CELF4: variants seen among roughly 807,000 people sequenced by gnomAD.
CELF4 encodes CUG-BP- and ETR-3-like factor 4.
A neutral mutation model predicts 59.9 loss-of-function variants in CELF4; 18 were observed. The ratio of observed to expected loss-of-function variants is 0.30; its 90% CI spans 0.21 to 0.45. CELF4 has a LOEUF of 0.45. CELF4 is among the 20% of genes least tolerant of loss of function. The probability of loss-of-function intolerance (pLI) is 1.00; values close to 1 mark genes in which losing one functional copy is unlikely to be tolerated. For missense variants in CELF4, 456 were observed against 689.0 expected (o/e 0.66, Z 3.79); for synonymous variants, 261 against 267.1 (o/e 0.98, Z 0.22).
chr18:37,364,064 G>C (rs181395286), intron 2 of CELF4, among the ~76,000 whole-genome samples: 2 of 152,326 alleles, frequency 1.3e-5, no homozygotes, highest in East Asian at 3.9e-4. Context: ...CCTGGTGGAG[G>C]TCTTTGTTCT....
chr18:37,316,374 A>C (rs1603451618), intron 3 of CELF4, among the ~76,000 whole-genome samples: 1 of 152,208 alleles, frequency 6.6e-6, no homozygotes, highest in South Asian at 2.1e-4. Context: ...GGATAACTGG[A>C]TCCCCCATGC....
At chr18:37,492,471 T>C (rs1291425326) in intron 1 of CELF4, among the ~76,000 whole-genome samples, 1 of 152,002 alleles carries the variant, frequency 6.6e-6, no homozygotes, top group African/African-American at 2.4e-5. Flanking sequence ...TCCACCAGCT[T>C]CCCTGGGAAG....
intron 1 of CELF4, among the ~76,000 whole-genome samples, chr18:37,533,219 G>T (rs2099970914): frequency 6.6e-6 from 1 of 152,242 alleles, no homozygotes; most frequent in Non-Finnish European, 1.5e-5. Flanking sequence ...TCCTGTCTTG[G>T]TTCACAGACA....
chr18:37,345,447 C>T (rs933326912), intron 2 of CELF4, among the ~76,000 whole-genome samples: 6 of 146,730 alleles, frequency 4.1e-5, no homozygotes, highest in Non-Finnish European at 7.5e-5. Context: ...CTTTGGGTGT[C>T]GGGGGTGGGG....
chr18:37,475,388 C>T (rs192280767), intron 2 of CELF4, among the ~76,000 whole-genome samples: 25 of 152,344 alleles, frequency 1.6e-4, no homozygotes, highest in Admixed American at 1.1e-3. Flanking sequence ...AAGCTCAAGA[C>T]TCTGCATTTC....
chr18:37,272,983 G>C, intron 7 of CELF4, 33 bp downstream of exon 7: 10 of 1,588,288 alleles, frequency 6.3e-6, no homozygotes, highest in Non-Finnish European at 8.6e-6. Context: ...TCTCCCACCG[G>C]GCCAGACCGC....
At chr18:37,535,922 C>T (rs1274530556) in intron 1 of CELF4, among the ~76,000 whole-genome samples, 1 of 152,182 alleles carries the variant, frequency 6.6e-6, no homozygotes, top group East Asian at 1.9e-4. Flanking sequence ...GGCTGAACAA[C>T]AAATGTTATT....
chr18:37,300,224 A>G (rs1276653741), intron 3 of CELF4, among the ~76,000 whole-genome samples: 1 of 147,458 alleles, frequency 6.8e-6, no homozygotes, highest in East Asian at 2.0e-4. Flanking sequence ...CCCATGCTCC[A>G]GCACTTTTTT....
chr18:37,287,496 C>T (rs9953908), intron 3 of CELF4, among the ~76,000 whole-genome samples: 55 of 152,336 alleles, frequency 3.6e-4, no homozygotes, highest in African/African-American at 1.2e-3. Context: ...TAGGTCAGCA[C>T]GCGGCTTAGC....
chr18:37,547,422 CT>C (rs2099981803), intron 1 of CELF4, among the ~76,000 whole-genome samples: 1 of 152,204 alleles, frequency 6.6e-6, no homozygotes. Flanking sequence ...TTGCCACCCC[CT>C]GGAGGCTGCC....
chr18:37,280,665 A>G (rs1318465838), intron 3 of CELF4, among the ~76,000 whole-genome samples: 1 of 152,168 alleles, frequency 6.6e-6, no homozygotes, highest in African/African-American at 2.4e-5. Context: ...CCCACACCAG[A>G]ATTTGAGCAA....
intron 2 of CELF4, among the ~76,000 whole-genome samples, chr18:37,334,641 C>A (rs938871653): frequency 2.0e-5 from 3 of 152,064 alleles, no homozygotes; most frequent in Non-Finnish European, 4.4e-5. Flanking sequence ...CTCCACTCCC[C>A]CCGGACTGTG....
chr18:37,527,585 G>T (rs1474299773), intron 1 of CELF4, among the ~76,000 whole-genome samples: 4 of 152,118 alleles, frequency 2.6e-5, no homozygotes, highest in Admixed American at 6.5e-5. Context: ...ATCAAACCAT[G>T]CTCTGAGACA....
intron 1 of CELF4, among the ~76,000 whole-genome samples, chr18:37,500,280 C>T (rs1424542927): frequency 6.6e-6 from 1 of 152,212 alleles, no homozygotes; most frequent in Non-Finnish European, 1.5e-5. Flanking sequence ...CTCACAAGTT[C>T]GACAGCTGCA....
intron 2 of CELF4, among the ~76,000 whole-genome samples, chr18:37,413,937 C>T (rs559446058): frequency 1.2e-4 from 19 of 152,268 alleles, no homozygotes; most frequent in Middle Eastern, 3.4e-3. Flanking sequence ...TGAGGGGCCA[C>T]ATTAAGGCCT....
At position 37,466,694 on chromosome 18, in the gene CELF4, AAG is replaced by A. The variant is rs2099809971; in HGVS notation, c.369+18829_369+18830del. Among the ~76,000 whole-genome samples, 3 of 152,132 alleles carry A rather than the reference AAG, an allele frequency of 2.0e-5. No individual in the cohort carries two copies. In the South Asian group the frequency reaches 6.2e-4, roughly 32 times the overall value. On this transcript the variant is annotated intron_variant, in intron 2 of 12. Coordinates refer to ENST00000420428, the MANE Select transcript of CELF4 (RefSeq NM_020180.4). ...AAGTAGGACCCAGTCCCTGCCCTCA[AAG>A]AGAGCACAGTCTAGGGTGGAGCAGT... is the stretch of plus-strand genomic sequence containing the variant.
At chr18:37,487,518 A>G (rs2099883660) in intron 1 of CELF4, among the ~76,000 whole-genome samples, 1 of 152,000 alleles carries the variant, frequency 6.6e-6, no homozygotes. Context: ...CCTCCTGGTC[A>G]CTGGCAGACT....
At chr18:37,248,081 C>T (rs1216029731) in intron 12 of CELF4, among the ~76,000 whole-genome samples, 2 of 152,112 alleles carry the variant, frequency 1.3e-5, no homozygotes, top group African/African-American at 2.4e-5. Context: ...GCAGCTCGGC[C>T]CTCCCACCCT....
intron 3 of CELF4, among the ~76,000 whole-genome samples, chr18:37,290,141 G>A (rs1426816867): frequency 6.6e-6 from 1 of 152,228 alleles, no homozygotes; most frequent in South Asian, 2.1e-4. Flanking sequence ...AGCTGGGGAG[G>A]CCAAAGAAGG....
Sources: allele counts gnomAD v4.1 joint callset (sites outside exome capture counted in the v4.1 genomes callset), GRCh38; gene constraint gnomAD v4.1.1; transcripts MANE v1.5; gene names NCBI Gene and HGNC (gene_info 2026-07-23, HGNC 2026-07-21).